PHACTR3: variants seen among roughly 807,000 people sequenced by gnomAD.
PHACTR3 encodes protein phosphatase 1, regulatory subunit 123.
In PHACTR3, 16 loss-of-function variants were observed where a neutral mutation model predicts 66.8. The observed-to-expected ratio is 0.24, with a 90% CI of 0.16 to 0.36. The LOEUF is 0.36. Among genes scored for constraint, PHACTR3 ranks in the 10% least tolerant of loss-of-function variants. The pLI, the probability that PHACTR3 is intolerant of heterozygous loss-of-function variation, is 1.00. For synonymous variants in PHACTR3, 323 were observed against 292.1 expected (o/e 1.11, Z -1.08); for missense variants, 647 against 719.9 (o/e 0.90, Z 1.16).
At chr20:59,840,810 T>C (rs2059044505) in intron 10 of PHACTR3, among the ~76,000 whole-genome samples, 1 of 152,252 alleles carries the variant, frequency 6.6e-6, no homozygotes, top group African/African-American at 2.4e-5. Context: ...TCACCTCCAA[T>C]ATGTCTAGAA....
intron 1 of PHACTR3, among the ~76,000 whole-genome samples, chr20:59,621,669 C>A (rs2034245035): frequency 6.6e-6 from 1 of 152,192 alleles, no homozygotes; most frequent in South Asian, 2.1e-4. Context: ...GCCTCAGTGG[C>A]CTTCCCTGAA....
intron 1 of PHACTR3, among the ~76,000 whole-genome samples, chr20:59,700,857 A>G (rs1264291976): frequency 6.6e-6 from 1 of 152,262 alleles, no homozygotes; most frequent in East Asian, 1.9e-4. Context: ...TGGCACAATT[A>G]TGGCTCTTTG....
At chr20:59,716,530 C>A (rs977713565) in intron 1 of PHACTR3, among the ~76,000 whole-genome samples, 1 of 145,948 alleles carries the variant, frequency 6.9e-6, no homozygotes, top group Non-Finnish European at 1.5e-5. Flanking sequence ...AGGCATGATC[C>A]ACTGCACCCG....
chr20:59,663,381 C>T (rs963637086), intron 1 of PHACTR3, among the ~76,000 whole-genome samples: 1 of 152,108 alleles, frequency 6.6e-6, no homozygotes, highest in African/African-American at 2.4e-5. Context: ...GAGGACAGAC[C>T]GACGCCAGCA....
At chr20:59,657,201 GTTA>G (rs1314785335) in intron 1 of PHACTR3, among the ~76,000 whole-genome samples, 2 of 151,596 alleles carry the variant, frequency 1.3e-5, no homozygotes, top group Admixed American at 1.3e-4. Flanking sequence ...CTTCCTTTGC[GTTA>G]TTGTCAAACA....
chr20:59,752,624 G>A (rs917193873), intron 3 of PHACTR3, among the ~76,000 whole-genome samples: 1 of 152,388 alleles, frequency 6.6e-6, no homozygotes, highest in African/African-American at 2.4e-5. Flanking sequence ...CTGTGGAGGG[G>A]CATGGTGCTT....
intron 1 of PHACTR3, among the ~76,000 whole-genome samples, chr20:59,708,499 T>A (rs991681599): frequency 2.0e-5 from 3 of 152,094 alleles, no homozygotes; most frequent in African/African-American, 7.2e-5. Context: ...CCAGAATAAG[T>A]CCCATGTGCA....
chr20:59,682,820 G>A (rs1312468687), intron 1 of PHACTR3, among the ~76,000 whole-genome samples: 1 of 152,078 alleles, frequency 6.6e-6, no homozygotes, highest in African/African-American at 2.4e-5. Flanking sequence ...GTGGTGGCTG[G>A]AGTCACATGA....
intron 2 of PHACTR3, among the ~76,000 whole-genome samples, chr20:59,743,785 C>T (rs1271479727): frequency 2.0e-5 from 3 of 152,204 alleles, no homozygotes; most frequent in Non-Finnish European, 4.4e-5. Flanking sequence ...TTGAGGCCGT[C>T]GGTTTGGCTT....
intron 1 of PHACTR3, among the ~76,000 whole-genome samples, chr20:59,616,330 C>G (rs1372798458): frequency 1.3e-5 from 2 of 152,166 alleles, no homozygotes; most frequent in African/African-American, 4.8e-5. Context: ...TGGATAAGAG[C>G]AGGAGGTTCT....
At chr20:59,740,706 G>T (rs949234687) in intron 1 of PHACTR3, among the ~76,000 whole-genome samples, 1 of 152,198 alleles carries the variant, frequency 6.6e-6, no homozygotes, top group Non-Finnish European at 1.5e-5. Context: ...AGGCTCCAAG[G>T]GGCCGGGTGG....
At chr20:59,844,912 A>G (rs996221282) in intron 11 of PHACTR3, 2 of 250,502 alleles carry the variant, frequency 8.0e-6, no homozygotes, top group African/African-American at 4.6e-5. Flanking sequence ...GTCTATGCAT[A>G]TAACAAAATA....
At chr20:59,633,559 C>G (rs1568947529) in intron 1 of PHACTR3, among the ~76,000 whole-genome samples, 1 of 152,198 alleles carries the variant, frequency 6.6e-6, no homozygotes. Flanking sequence ...AGCAAGCCAC[C>G]ATGGCACATG....
intron 1 of PHACTR3, among the ~76,000 whole-genome samples, chr20:59,719,989 A>G (rs1043972916): frequency 6.6e-6 from 1 of 152,156 alleles, no homozygotes; most frequent in Admixed American, 6.5e-5. Context: ...GATATTGTAG[A>G]TGCCAGAAAG....
At chr20:59,614,482 G>C (rs1055793286) in intron 1 of PHACTR3, among the ~76,000 whole-genome samples, 1 of 152,210 alleles carries the variant, frequency 6.6e-6, no homozygotes, top group African/African-American at 2.4e-5. Context: ...TGGATGGGTA[G>C]CTTGGCAACG....
intron 1 of PHACTR3, among the ~76,000 whole-genome samples, chr20:59,619,400 C>T (rs113504328): frequency 6.6e-6 from 1 of 151,992 alleles, no homozygotes; most frequent in Non-Finnish European, 1.5e-5. Context: ...TGAGAGTGGC[C>T]CCTGCTGATG....
intron 7 of PHACTR3, among the ~76,000 whole-genome samples, chr20:59,776,114 C>T (rs535089242): frequency 2.6e-5 from 4 of 152,228 alleles, no homozygotes; most frequent in Non-Finnish European, 5.9e-5. Context: ...ACAATGCTTT[C>T]ATTGGTGAAG....
At chr20:59,637,288 C>A (rs568651333) in intron 1 of PHACTR3, among the ~76,000 whole-genome samples, 1 of 152,212 alleles carries the variant, frequency 6.6e-6, no homozygotes, top group African/African-American at 2.4e-5. Context: ...TCTGCTAGAG[C>A]GATGTCTCTG....
intron 8 of PHACTR3, among the ~76,000 whole-genome samples, chr20:59,815,655 C>T (rs1289896452): frequency 6.6e-6 from 1 of 152,092 alleles, no homozygotes; most frequent in African/African-American, 2.4e-5. Flanking sequence ...GATCTCTTGA[C>T]CTCATGATCC....
Sources: allele counts gnomAD v4.1 joint callset (sites outside exome capture counted in the v4.1 genomes callset), GRCh38; gene constraint gnomAD v4.1.1; transcripts MANE v1.5; gene names NCBI Gene and HGNC (gene_info 2026-07-23, HGNC 2026-07-21).